The following AUH variants were observed in gnomAD, a reference collection of about 807,000 sequenced individuals.
AUH encodes the protein methylglutaconyl-CoA hydratase, mitochondrial.
A neutral mutation model predicts 42.3 loss-of-function variants in AUH; 29 were observed. The ratio of observed to expected loss-of-function variants is 0.69; its 90% CI spans 0.51 to 0.93. AUH has a LOEUF of 0.93. Ranked by LOEUF, AUH falls within the 40% of genes least tolerant of loss-of-function variation. The probability of loss-of-function intolerance (pLI) is 0.00; values close to 1 mark genes in which losing one functional copy is unlikely to be tolerated. For synonymous variants in AUH, 174 were observed against 166.4 expected, an observed-to-expected ratio of 1.05 and a Z score of -0.35; for missense variants, 452 against 438.1, an observed-to-expected ratio of 1.03 and a Z score of -0.28.
chr9:91,347,279 G>A (rs1409390449), intron 3 of AUH, among the ~76,000 whole-genome samples: 1 of 151,998 alleles, frequency 6.6e-6, no homozygotes, highest in African/African-American at 2.4e-5. Flanking sequence ...TACCCAGGCT[G>A]GTCTCAAACT....
intron 6 of AUH, among the ~76,000 whole-genome samples, chr9:91,239,225 G>A (rs969515109): frequency 2.0e-5 from 3 of 151,832 alleles, no homozygotes; most frequent in Admixed American, 1.3e-4. Flanking sequence ...TACTGATAAA[G>A]GGGGATGCTC....
At chr9:91,216,219 T>C (rs1004607682) in intron 8 of AUH, 113 bp from the exon 9 acceptor site, 3 of 1,052,138 alleles carry the variant, frequency 2.9e-6, no homozygotes, top group Admixed American at 1.9e-5. Context: ...TCCTTTGATA[T>C]AGTACAGCAG....
At chr9:91,252,036 G>A (rs544296488) in intron 6 of AUH, among the ~76,000 whole-genome samples, 6 of 151,886 alleles carry the variant, frequency 4.0e-5, no homozygotes, top group Middle Eastern at 3.4e-3. Context: ...GCACGATCTC[G>A]GCTCACTGCA....
At chr9:91,292,333 C>T (rs1034880125) in intron 6 of AUH, among the ~76,000 whole-genome samples, 5 of 147,052 alleles carry the variant, frequency 3.4e-5, no homozygotes, top group African/African-American at 7.6e-5. Context: ...TGCTGGAGTG[C>T]GGTGGTGTGA....
At chr9:91,313,821 CTCT>C (rs1302561174) in intron 4 of AUH, among the ~76,000 whole-genome samples, 9 of 112,304 alleles carry the variant, frequency 8.0e-5, no homozygotes, top group East Asian at 2.5e-4. Context: ...TCCATAAACG[CTCT>C]TTTTTTTTTT....
intron 6 of AUH, among the ~76,000 whole-genome samples, chr9:91,274,945 G>A (rs1280368841): frequency 6.6e-6 from 1 of 152,178 alleles, no homozygotes. Context: ...AACTGAACTA[G>A]TTGCTCCTAA....
rs577103666 is a variant in AUH at position 91,292,246 on chromosome 9, A to T, written c.655+3775T>A. Among the ~76,000 whole-genome samples the T allele has an allele frequency of 3.3e-5, 5 of 151,894 alleles. No homozygotes were observed. The South Asian group carries it at 8.3e-4, about 25-fold the overall frequency. On this transcript the variant is annotated intron_variant, in intron 6 of 9. Transcript: ENST00000375731. ...TTGTCCCACTGCAGAGAAACACAAG[A>T]AAGGTGGTACAAAGCCTGGGAACCC...
chr9:91,359,594 A>G (rs1832695824), intron 1 of AUH, among the ~76,000 whole-genome samples: 1 of 151,864 alleles, frequency 6.6e-6, no homozygotes, highest in African/African-American at 2.4e-5. Flanking sequence ...AGAAAAGAAA[A>G]GGAAATTTGG....
chr9:91,230,777 G>C (rs1408059208), intron 6 of AUH, among the ~76,000 whole-genome samples: 3 of 152,194 alleles, frequency 2.0e-5, no homozygotes, highest in Non-Finnish European at 4.4e-5. Context: ...CTAACAGACA[G>C]GACCCTCAGC....
At chr9:91,279,168 A>C (rs879562500) in intron 6 of AUH, among the ~76,000 whole-genome samples, 3 of 152,200 alleles carry the variant, frequency 2.0e-5, no homozygotes, top group Non-Finnish European at 1.5e-5. Context: ...TATCGCAAAC[A>C]ACCATTAAGT....
chr9:91,271,440 C>CT (rs1243987981), intron 6 of AUH, among the ~76,000 whole-genome samples: 6 of 151,978 alleles, frequency 3.9e-5, no homozygotes, highest in East Asian at 1.9e-4. Flanking sequence ...TCTGCCATTT[C>CT]TTTTTTTTCT....
chr9:91,305,676 G>A (rs1323391444), intron 4 of AUH, among the ~76,000 whole-genome samples: 1 of 152,048 alleles, frequency 6.6e-6, no homozygotes, highest in African/African-American at 2.4e-5. Context: ...TTTACTATGT[G>A]TGGCCACTGT....
chr9:91,241,089 A>AAC (rs1828489347), intron 6 of AUH, among the ~76,000 whole-genome samples: 1 of 152,260 alleles, frequency 6.6e-6, no homozygotes, highest in Non-Finnish European at 1.5e-5. Flanking sequence ...ACAGTTGCTC[A>AAC]ACATACACAA....
rs542581883 is a variant in AUH, at chr9:91,255,074, T to A, written c.656-34082A>T. On this transcript the variant is annotated intron_variant, in intron 6 of 9. Transcript: ENST00000375731. The stretch of plus-strand genomic sequence containing the variant: ...TGTAAGGTTAGATTTATAAAAGGGT[T>A]TATATATTTAAAAAGTTCTCATCTC... Among the ~76,000 whole-genome samples, 8 of 152,348 alleles carry A rather than the reference T, an allele frequency of 5.3e-5. No individual in the cohort carries two copies. The South Asian group carries it at 1.5e-3, about 28-fold the overall frequency.
intron 6 of AUH, among the ~76,000 whole-genome samples, chr9:91,227,984 T>A (rs1018757623): frequency 6.6e-6 from 1 of 152,212 alleles, no homozygotes; most frequent in African/African-American, 2.4e-5. Flanking sequence ...TTTGCATCCA[T>A]GTTCATCAAG....
rs184037865 is a variant in AUH, at chr9:91,214,488, C to T, written c.943-63G>A. 56 of 1,395,912 alleles carry T rather than the reference C, an allele frequency of 4.0e-5. No homozygotes were observed. The Admixed American group carries it at 1.1e-3, about 26-fold the overall frequency. 86.5% of individuals were successfully genotyped at this position (1,395,912 alleles called of 1,614,324 possible). The stretch of plus-strand genomic sequence containing the variant: ...AAAACAACTGTAAAAGTTTATCAAG[C>T]ACTATCTAAGAAAACTACTTAGAAC... On this transcript the variant is annotated intron_variant, in intron 9 of 9. Transcript: ENST00000375731.
intron 3 of AUH, among the ~76,000 whole-genome samples, chr9:91,325,932 C>T (rs1211957393): frequency 6.6e-6 from 1 of 152,150 alleles, no homozygotes; most frequent in Non-Finnish European, 1.5e-5. Flanking sequence ...TGGATGCCTG[C>T]CTTGGGGACT....
chr9:91,355,964 T>C lies in AUH; in HGVS notation c.337A>G (p.Lys113Glu). ...LSKNLIKMLSKAVDALKSDKK... is the reference protein window; with the variant it reads ...LSKNLIKMLSEAVDALKSDKK... ...TCAGATTTCAAAGCATCCACAGCTTTTGATAGCTAAACAGAAATAGGAAGC... is the reference window on the plus strand; with the variant it reads ...TCAGATTTCAAAGCATCCACAGCTTCTGATAGCTAAACAGAAATAGGAAGC... The change falls in exon 3 of 10, where the codon AAA (lysine) becomes GAA (glutamate). Residue 113 changes from lysine (K) to glutamate (E), a missense_variant. Physicochemically the swap from Lys to Glu is moderately conservative, Grantham distance 56. Transcript: ENST00000375731. The C allele has an allele frequency of 6.2e-7, 1 of 1,613,464 alleles. No homozygotes were observed. Among genetic ancestry groups the C allele is most frequent in the Non-Finnish European group, 8.5e-7 (1 of 1,179,576 alleles).
intron 6 of AUH, among the ~76,000 whole-genome samples, chr9:91,269,822 T>C (rs948210072): frequency 1.3e-5 from 2 of 152,194 alleles, no homozygotes; most frequent in African/African-American, 4.8e-5. Context: ...GAAACGTTCC[T>C]AAAATTTTAA....
Sources: allele counts gnomAD v4.1 joint callset (sites outside exome capture counted in the v4.1 genomes callset), GRCh38; gene constraint gnomAD v4.1.1; transcripts MANE v1.5; gene names NCBI Gene and HGNC (gene_info 2026-07-23, HGNC 2026-07-21).